The following KCNH7 variants were observed in gnomAD, a reference collection of about 807,000 sequenced individuals.
The protein encoded by KCNH7 is potassium voltage-gated channel subfamily H member 7, also known as voltage-gated inwardly rectifying potassium channel KCNH7.
Under a neutral mutation model 120.8 loss-of-function variants are expected in KCNH7, and 49 were observed. The observed-to-expected ratio is 0.41, with a 90% confidence interval of 0.32 to 0.51. KCNH7 has a LOEUF of 0.51. KCNH7 is among the 20% of genes least tolerant of loss of function. The pLI, the probability that KCNH7 is intolerant of heterozygous loss-of-function variation, is 0.38. For synonymous variants in KCNH7, 547 were observed against 516.1 expected, an observed-to-expected ratio of 1.06 and a Z score of -0.81; for missense variants, 1,097 against 1,446.6, an observed-to-expected ratio of 0.76 and a Z score of 3.92.
At chr2:162,376,291 T>C (rs1686175433) in intron 14 of KCNH7, among the ~76,000 whole-genome samples, 1 of 151,938 alleles carries the variant, frequency 6.6e-6, no homozygotes, top group South Asian at 2.1e-4. Context: ...GCAGATAAAT[T>C]GCTCTGTGTG....
At chr2:162,645,702 A>G (rs564681831) in intron 2 of KCNH7, among the ~76,000 whole-genome samples, 13 of 152,242 alleles carry the variant, frequency 8.5e-5, no homozygotes, top group East Asian at 3.9e-4. Context: ...GCAAAAGAGG[A>G]TAAGTCAATT....
At chr2:162,707,796 G>A (rs1360956438) in intron 2 of KCNH7, among the ~76,000 whole-genome samples, 2 of 152,072 alleles carry the variant, frequency 1.3e-5, no homozygotes, top group Non-Finnish European at 2.9e-5. Context: ...TACCCCATTT[G>A]ATCAGTTCTG....
chr2:162,406,165 G>A (rs1448533919), intron 9 of KCNH7, among the ~76,000 whole-genome samples: 1 of 151,716 alleles, frequency 6.6e-6, no homozygotes, highest in Non-Finnish European at 1.5e-5. Context: ...ATACTTTCTC[G>A]ATTCTGTTTG....
chr2:162,424,846 G>A (rs888108433), intron 8 of KCNH7, among the ~76,000 whole-genome samples: 1 of 152,122 alleles, frequency 6.6e-6, no homozygotes, highest in African/African-American at 2.4e-5. Context: ...TCTATTTAAG[G>A]GGATGAAAGT....
At chr2:162,609,212 T>C (rs1682879610) in intron 2 of KCNH7, among the ~76,000 whole-genome samples, 2 of 152,078 alleles carry the variant, frequency 1.3e-5, no homozygotes, top group Non-Finnish European at 2.9e-5. Context: ...CCCTTTGTAA[T>C]TGTTTACTTC....
intron 2 of KCNH7, among the ~76,000 whole-genome samples, chr2:162,641,806 A>G (rs1432454703): frequency 6.6e-6 from 1 of 152,200 alleles, no homozygotes; most frequent in African/African-American, 2.4e-5. Flanking sequence ...GCAAAATGTT[A>G]TCATTGGTGG....
chr2:162,469,851 C>T (rs775362524), intron 6 of KCNH7, among the ~76,000 whole-genome samples: 315 of 152,090 alleles, frequency 2.1e-3, no homozygotes, highest in Non-Finnish European at 3.9e-3. Flanking sequence ...CGATTGCAGG[C>T]GCGCGCCGCC....
intron 2 of KCNH7, among the ~76,000 whole-genome samples, chr2:162,571,532 T>C (rs1330209669): frequency 3.4e-5 from 5 of 145,382 alleles, no homozygotes; most frequent in Non-Finnish European, 6.0e-5. Context: ...CTTCACAGAA[T>C]TGGAAAAAAC....
At chr2:162,790,747 A>T (rs1683903520) in intron 2 of KCNH7, among the ~76,000 whole-genome samples, 1 of 152,136 alleles carries the variant, frequency 6.6e-6, no homozygotes, top group African/African-American at 2.4e-5. Flanking sequence ...GATCATCTTA[A>T]TATATGCATA....
intron 2 of KCNH7, among the ~76,000 whole-genome samples, chr2:162,617,121 C>A (rs1267816067): frequency 6.6e-6 from 1 of 152,038 alleles, no homozygotes. Flanking sequence ...ATTAGAGTAG[C>A]CAAAGTTATG....
intron 2 of KCNH7, among the ~76,000 whole-genome samples, chr2:162,828,806 C>T (rs985112993): frequency 4.6e-5 from 7 of 152,116 alleles, no homozygotes; most frequent in Non-Finnish European, 7.4e-5. Context: ...AATGTACCCA[C>T]AGTCCTCTCT....
At chr2:162,534,574 C>T (rs1293956093) in intron 3 of KCNH7, among the ~76,000 whole-genome samples, 2 of 151,400 alleles carry the variant, frequency 1.3e-5, no homozygotes, top group Non-Finnish European at 3.0e-5. Context: ...TTTGAGTAGA[C>T]CATTATTAAA....
At chr2:162,806,090 C>A (rs557290224) in intron 2 of KCNH7, among the ~76,000 whole-genome samples, 2 of 151,716 alleles carry the variant, frequency 1.3e-5, no homozygotes, top group Non-Finnish European at 2.9e-5. Flanking sequence ...GGAGGGGGCA[C>A]GGTGGGAGGG....
chr2:162,512,842 C>T (rs1302826417), intron 4 of KCNH7, among the ~76,000 whole-genome samples, 168 bp from the exon 5 acceptor site: 2 of 151,724 alleles, frequency 1.3e-5, no homozygotes, highest in Admixed American at 1.3e-4. Flanking sequence ...AAGTAACATG[C>T]ATATACTAAA....
chr2:162,662,720 T>C (rs984043924), intron 2 of KCNH7, among the ~76,000 whole-genome samples: 1 of 152,172 alleles, frequency 6.6e-6, no homozygotes, highest in African/African-American at 2.4e-5. Context: ...TTATAGCCCT[T>C]GTTTGCTTGC....
At chr2:162,664,994 G>C (rs1159739718) in intron 2 of KCNH7, among the ~76,000 whole-genome samples, 2 of 152,032 alleles carry the variant, frequency 1.3e-5, no homozygotes, top group Middle Eastern at 3.4e-3. Context: ...ATCACTCTTG[G>C]TCTTTCTCTA....
At chr2:162,410,712 C>T (rs1687366333) in intron 9 of KCNH7, among the ~76,000 whole-genome samples, 1 of 151,750 alleles carries the variant, frequency 6.6e-6, no homozygotes, top group African/African-American at 2.4e-5. Flanking sequence ...GATAAAGATC[C>T]AATAACCAGA....
chr2:162,504,337 A>C (rs1373872238), intron 6 of KCNH7, 106 bp downstream of exon 6: 2 of 808,432 alleles, frequency 2.5e-6, no homozygotes, highest in Non-Finnish European at 2.0e-6. Context: ...ACAAAGAAAA[A>C]ATGTCTTACC....
chr2:162,632,299 A>G (rs1683800330), intron 2 of KCNH7, among the ~76,000 whole-genome samples: 1 of 151,980 alleles, frequency 6.6e-6, no homozygotes, highest in African/African-American at 2.4e-5. Flanking sequence ...TGAGAATGAA[A>G]TTATAAAGGA....
Sources: gnomAD v4.1 joint callset for allele counts (sites outside exome capture counted in the v4.1 genomes callset) on GRCh38, gnomAD v4.1.1 for gene constraint, MANE v1.5 for transcripts, NCBI Gene and HGNC (gene_info 2026-07-23, HGNC 2026-07-21) for gene names.